The following PCDHA1 variants were observed in gnomAD, a reference collection of about 807,000 sequenced individuals.
PCDHA1 encodes the protein protocadherin alpha 1, also known as protocadherin alpha-1.
PCDHA1 carries 42 observed loss-of-function variants against 61.3 expected under a neutral mutation model. The observed-to-expected ratio is 0.69, with a 90% CI of 0.54 to 0.89. PCDHA1 has a LOEUF of 0.89. Among genes scored for constraint, PCDHA1 ranks in the 40% least tolerant of loss-of-function variants. The pLI is 0.00. For synonymous variants in PCDHA1, 610 were observed against 553.8 expected (o/e 1.10, Z -1.43); for missense variants, 1,256 against 1,235.3 (o/e 1.02, Z -0.25).
Position 140,850,119 on chromosome 5 carries a change from G to T in PCDHA1, c.2394+61435G>T, listed in dbSNP as rs2150468632. On this transcript the variant is annotated intron_variant, in intron 1 of 3. Coordinates refer to ENST00000504120, the MANE Select transcript of PCDHA1 (RefSeq NM_018900.4). ...CCAGGTGAGCGCGCGCGACGCGGGC[G>T]TGCCGCCTCTGGGCAGCAACGTGAC... is the stretch of plus-strand genomic sequence containing the variant. The T allele has an allele frequency of 1.1e-5, 17 of 1,596,076 alleles. No homozygotes were observed. The Admixed American group carries it at 1.9e-4, about 17-fold the overall frequency.
chr5:140,984,258 CA>C (rs1563514144), intron 3 of PCDHA1, among the ~76,000 whole-genome samples: 1 of 152,262 alleles, frequency 6.6e-6, no homozygotes, highest in East Asian at 1.9e-4. Context: ...TGGTAAGCCA[CA>C]AACTAACTTT....
intron 1 of PCDHA1, chr5:140,802,435 T>TG: frequency 6.2e-7 from 1 of 1,614,234 alleles, no homozygotes; most frequent in Non-Finnish European, 8.5e-7. Flanking sequence ...GACAGCCCTC[T>TG]GGACCGCGAG....
At chr5:140,906,257 C>A (rs1394766953) in intron 1 of PCDHA1, among the ~76,000 whole-genome samples, 2 of 152,168 alleles carry the variant, frequency 1.3e-5, no homozygotes, top group Non-Finnish European at 2.9e-5. Flanking sequence ...ATACACACCT[C>A]CTGAAATTAT....
chr5:140,979,147 C>A (rs2096836802), intron 2 of PCDHA1, 140 bp downstream of exon 2: 2 of 1,442,248 alleles, frequency 1.4e-6, no homozygotes, highest in African/African-American at 2.9e-5. Flanking sequence ...ATTATTTTGT[C>A]CCCATGTTTA....
intron 1 of PCDHA1, chr5:140,928,280 C>G (rs781831365): frequency 6.2e-7 from 1 of 1,614,194 alleles, no homozygotes; most frequent in East Asian, 2.2e-5. Context: ...CCTGGGGCCT[C>G]TCTAGGCCGA....
chr5:140,988,557 T>G (rs1236263807), intron 3 of PCDHA1, among the ~76,000 whole-genome samples: 3 of 152,190 alleles, frequency 2.0e-5, no homozygotes, highest in African/African-American at 7.2e-5. Context: ...CTTCATCTTC[T>G]TCTTGGGAAA....
Position 140,881,064 on chromosome 5 carries a change from T to C in PCDHA1, c.2394+92380T>C, listed in dbSNP as rs191524582. On this transcript the variant is annotated intron_variant, in intron 1 of 3. Transcript: ENST00000504120. ...AGAGTTGTGCACAGAACAGGCCAGA[T>C]AATTATTGGAGCTATGATATATTTT... Among the ~76,000 whole-genome samples, 392 of 152,302 alleles carry C rather than the reference T, an allele frequency of 2.6e-3. 1 individual carries two copies. The highest frequency in any genetic ancestry group is 9.1e-3 in the African/African-American group (379 of 41,556).
chr5:140,803,891 CATT>C (rs1337412917), intron 1 of PCDHA1: 4 of 535,890 alleles, frequency 7.5e-6, no homozygotes, highest in Non-Finnish European at 1.3e-5. Context: ...AGATGAATTG[CATT>C]ATTTAGAGAA....
At chr5:140,796,532 T>C (rs782562923) in intron 1 of PCDHA1, 1 of 1,612,744 alleles carries the variant, frequency 6.2e-7, no homozygotes, top group Non-Finnish European at 8.5e-7. Context: ...CTGCAGCCGC[T>C]GGACCACGAG....
rs1487503403 is a variant in PCDHA1 at position 140,941,191 on chromosome 5, T to TTTCTTTC, written c.2395-37756_2395-37755insCTTTCTT. Among the ~76,000 whole-genome samples, 158 of 93,240 alleles carry TTTCTTTC rather than the reference T, an allele frequency of 1.7e-3. 2 individuals carry two copies. Among genetic ancestry groups the TTTCTTTC allele is most frequent in the South Asian group, 0.011 (38 of 3,542 alleles). 61.2% of individuals were successfully genotyped at this position (93,240 alleles called of 152,430 possible). A position where few individuals can be genotyped will look rare whatever the true frequency, so the allele number is the denominator to read the frequency against. ...CATCTTGAACATCCTGCTTCTTTTT[T>TTTCTTTC]TTTCTTTCTTCCTTTCTTTCTTCCT... On this transcript the variant is annotated intron_variant, in intron 1 of 3. Transcript: ENST00000504120.
At chr5:140,815,254 C>CT (rs1554126711) in intron 1 of PCDHA1, 1 of 152,030 alleles carries the variant, frequency 6.6e-6, no homozygotes, top group African/African-American at 2.4e-5. Flanking sequence ...AGCTTGTAGA[C>CT]TTTTTGCTCC....
At chr5:140,869,800 T>C (rs782065808) in intron 1 of PCDHA1, 2 of 1,612,808 alleles carry the variant, frequency 1.2e-6, no homozygotes, top group Non-Finnish European at 1.7e-6. Context: ...AGTCCAAGTC[T>C]TGGATGTCAA....
chr5:140,940,076 T>C (rs1469877434), intron 1 of PCDHA1, among the ~76,000 whole-genome samples: 2 of 152,230 alleles, frequency 1.3e-5, no homozygotes, highest in Non-Finnish European at 2.9e-5. Flanking sequence ...ATGTGATATC[T>C]TTCTGCTAAA....
At chr5:140,869,760 A>G in intron 1 of PCDHA1, 1 of 1,613,206 alleles carries the variant, frequency 6.2e-7, no homozygotes, top group Non-Finnish European at 8.5e-7. Flanking sequence ...ACGGGGGAAA[A>G]CCAGAGCTTA....
intron 1 of PCDHA1, among the ~76,000 whole-genome samples, chr5:140,923,834 T>G (rs2081542074): frequency 6.6e-6 from 1 of 152,210 alleles, no homozygotes; most frequent in South Asian, 2.1e-4. Flanking sequence ...AGTGGCAGTT[T>G]AAATAGAGAA....
intron 1 of PCDHA1, among the ~76,000 whole-genome samples, chr5:140,925,484 T>C (rs1178019565): frequency 6.6e-6 from 1 of 152,066 alleles, no homozygotes; most frequent in Admixed American, 6.6e-5. Flanking sequence ...CTCATAGAAC[T>C]GATCACTGTC....
At chr5:140,835,997 C>G (rs2150249894) in intron 1 of PCDHA1, 18 of 1,613,302 alleles carry the variant, frequency 1.1e-5, no homozygotes, top group East Asian at 4.5e-5. Context: ...TGAGCGCGCG[C>G]GATGCGGGCG....
rs2098422174 is a variant in PCDHA1 at position 141,011,893 on chromosome 5, T to G, written c.*1956T>G. On this transcript the variant is annotated 3_prime_UTR_variant, in exon 4 of 4. Coordinates refer to ENST00000504120, the MANE Select transcript of PCDHA1 (RefSeq NM_018900.4). ...CAATTTAGAAGTTTGATTAATTATATTATCTATTTAGGCATTAATATAAAA... is the reference window on the plus strand; with the variant it reads ...CAATTTAGAAGTTTGATTAATTATAGTATCTATTTAGGCATTAATATAAAA... The G allele has an allele frequency of 6.5e-6, 1 of 153,362 alleles. No individual in the cohort carries two copies. Among genetic ancestry groups the G allele is most frequent in the Admixed American group, 6.5e-5 (1 of 15,272 alleles). 9.5% of individuals were successfully genotyped at this position (153,362 alleles called of 1,614,324 possible). A position where few individuals can be genotyped will look rare whatever the true frequency, so the allele number is the denominator to read the frequency against.
At chr5:140,914,782 G>T (rs563426406) in intron 1 of PCDHA1, among the ~76,000 whole-genome samples, 3 of 151,862 alleles carry the variant, frequency 2.0e-5, no homozygotes, top group Non-Finnish European at 4.4e-5. Context: ...CTTATCTTAT[G>T]ACCCATTATT....
Sources: allele counts gnomAD v4.1 joint callset (sites outside exome capture counted in the v4.1 genomes callset), GRCh38; gene constraint gnomAD v4.1.1; transcripts MANE v1.5; gene names NCBI Gene and HGNC (gene_info 2026-07-23, HGNC 2026-07-21).